Variants in ERBB4 observed in about 807,000 individuals in gnomAD.
ERBB4 encodes the protein receptor tyrosine-protein kinase erbB-4.
A neutral mutation model predicts 158.0 loss-of-function variants in ERBB4; 42 were observed. The ratio of observed to expected loss-of-function variants is 0.27; its 90% CI spans 0.21 to 0.34. The LOEUF (loss-of-function observed/expected upper bound fraction) is 0.34, where lower values mean the gene tolerates loss of function less well. Among genes scored for constraint, ERBB4 ranks in the 10% least tolerant of loss-of-function variants. ERBB4 has a pLI of 1.00. For synonymous variants in ERBB4, 583 were observed against 558.7 expected (o/e 1.04, Z -0.61); for missense variants, 1,333 against 1,624.1 (o/e 0.82, Z 3.08).
intron 2 of ERBB4, 134 bp from the exon 3 acceptor site, chr2:211,947,750 T>C (rs138777132): frequency 0.026 from 18,534 of 715,464 alleles, 337 homozygotes; most frequent in Admixed American, 0.062. Context: ...CCATATCATA[T>C]TCTAAAGAAT....
chr2:212,282,925 T>C (rs1375177858), intron 1 of ERBB4, among the ~76,000 whole-genome samples: 1 of 151,970 alleles, frequency 6.6e-6, no homozygotes, highest in Non-Finnish European at 1.5e-5. Flanking sequence ...GATAGATGTC[T>C]TTGTCACAAG....
intron 1 of ERBB4, among the ~76,000 whole-genome samples, chr2:212,473,110 C>T (rs1156864119): frequency 6.6e-6 from 1 of 151,878 alleles, no homozygotes; most frequent in Non-Finnish European, 1.5e-5. Context: ...CCTGTCAATT[C>T]TGATGATGTT....
intron 19 of ERBB4, among the ~76,000 whole-genome samples, chr2:211,584,092 T>C (rs576573457): frequency 2.0e-5 from 3 of 149,728 alleles, no homozygotes; most frequent in Non-Finnish European, 4.4e-5. Flanking sequence ...CCATTGTGCA[T>C]GTCTGATCTG....
intron 20 of ERBB4, among the ~76,000 whole-genome samples, chr2:211,487,404 A>G (rs947979595): frequency 2.8e-4 from 43 of 152,248 alleles, no homozygotes; most frequent in Non-Finnish European, 4.7e-4. Flanking sequence ...TAATCACTAC[A>G]TAATTATTTT....
intron 4 of ERBB4, among the ~76,000 whole-genome samples, chr2:211,765,462 G>A (rs1212380852): frequency 1.3e-5 from 2 of 151,890 alleles, no homozygotes; most frequent in Non-Finnish European, 2.9e-5. Context: ...ATTTACTATT[G>A]ATAAGACCAT....
intron 4 of ERBB4, among the ~76,000 whole-genome samples, chr2:211,773,631 T>TATATATATATAAA (rs1553630487): frequency 4.4e-5 from 4 of 91,232 alleles, no homozygotes; most frequent in African/African-American, 2.1e-4. Flanking sequence ...TATATATATA[T>TATATATATATAAA]ATATATATAT....
intron 1 of ERBB4, among the ~76,000 whole-genome samples, chr2:212,205,370 C>A (rs1243368859): frequency 6.6e-6 from 1 of 152,048 alleles, no homozygotes; most frequent in Non-Finnish European, 1.5e-5. Flanking sequence ...ATGTTGGCCC[C>A]ACCAAGTCTC....
chr2:211,742,980 G>T (rs560628697), intron 5 of ERBB4, among the ~76,000 whole-genome samples: 257 of 152,122 alleles, frequency 1.7e-3, no homozygotes, highest in African/African-American at 5.8e-3. Flanking sequence ...CCCATCAAAA[G>T]AACTTTTCTT....
rs185566925 is a variant in ERBB4 at position 211,763,087 on chromosome 2, G to C, written c.557-12383C>G. On this transcript the variant is annotated intron_variant, in intron 4 of 27. Coordinates refer to ENST00000342788, the MANE Select transcript of ERBB4 (RefSeq NM_005235.3). ...TGTGTGTGTCTGGAGACATGAGAAC[G>C]GTTTGGTCTGGTGCACTGAAAGTAT... 3.6e-3 allele frequency among the ~76,000 whole-genome samples: 548 copies of C among 152,094 alleles called. 5 individuals carry two copies. Among genetic ancestry groups the C allele is most frequent in the Middle Eastern group, 0.014 (4 of 294 alleles).
chr2:211,414,200 A>G (rs183076431), intron 25 of ERBB4, among the ~76,000 whole-genome samples: 3 of 152,286 alleles, frequency 2.0e-5, no homozygotes, highest in East Asian at 1.9e-4. Flanking sequence ...AATGTTTCTT[A>G]GAAGAAAATA....
chr2:211,888,592 G>T (rs1371063360), intron 3 of ERBB4, among the ~76,000 whole-genome samples: 1 of 152,206 alleles, frequency 6.6e-6, no homozygotes, highest in Non-Finnish European at 1.5e-5. Context: ...CTCCCAGCGT[G>T]AGCGACGCAG....
intron 16 of ERBB4, among the ~76,000 whole-genome samples, chr2:211,632,443 T>C (rs2070178787): frequency 1.3e-5 from 2 of 152,114 alleles, no homozygotes; most frequent in East Asian, 1.9e-4. Flanking sequence ...AAAATATTTA[T>C]GTATAATTGA....
chr2:211,735,381 A>G (rs1559471079), intron 5 of ERBB4, among the ~76,000 whole-genome samples: 1 of 152,214 alleles, frequency 6.6e-6, no homozygotes, highest in African/African-American at 2.4e-5. Flanking sequence ...TCTGACTCCT[A>G]TATATCTTCA....
At chr2:211,933,253 G>A (rs1312624683) in intron 3 of ERBB4, among the ~76,000 whole-genome samples, 1 of 152,072 alleles carries the variant, frequency 6.6e-6, no homozygotes, top group Non-Finnish European at 1.5e-5. Context: ...GTAATGCACA[G>A]ATGTGAAGTT....
intron 1 of ERBB4, among the ~76,000 whole-genome samples, chr2:212,501,698 G>A (rs1690900056): frequency 6.6e-6 from 1 of 152,106 alleles, no homozygotes; most frequent in Non-Finnish European, 1.5e-5. Flanking sequence ...ATCGCCCACT[G>A]CAATGAAAAG....
At chr2:211,694,323 T>C (rs974426703) in intron 12 of ERBB4, among the ~76,000 whole-genome samples, 1 of 152,150 alleles carries the variant, frequency 6.6e-6, no homozygotes, top group African/African-American at 2.4e-5. Context: ...CAGGTTAAAA[T>C]ATCACCCACC....
At chr2:211,906,327 A>C (rs748369796) in intron 3 of ERBB4, among the ~76,000 whole-genome samples, 6 of 152,152 alleles carry the variant, frequency 3.9e-5, no homozygotes, top group Non-Finnish European at 7.3e-5. Context: ...AAGGAAAATA[A>C]TTCTAGACGA....
chr2:212,272,618 T>G (rs1303555429), intron 1 of ERBB4, among the ~76,000 whole-genome samples: 2 of 151,804 alleles, frequency 1.3e-5, no homozygotes, highest in Non-Finnish European at 2.9e-5. Context: ...CTCTGTGGGT[T>G]AAGCTATTAG....
intron 25 of ERBB4, among the ~76,000 whole-genome samples, chr2:211,416,109 G>A (rs944510781): frequency 2.0e-5 from 3 of 152,064 alleles, no homozygotes; most frequent in Admixed American, 6.5e-5. Flanking sequence ...ATGACTGGAT[G>A]GGCTTGCAAT....
Sources: allele counts gnomAD v4.1 joint callset (sites outside exome capture counted in the v4.1 genomes callset), GRCh38; gene constraint gnomAD v4.1.1; transcripts MANE v1.5; gene names NCBI Gene and HGNC (gene_info 2026-07-23, HGNC 2026-07-21).